ATP8A1: variants seen among roughly 807,000 people sequenced by gnomAD.
The protein encoded by ATP8A1 is ATPase phospholipid transporting 8A1.
ATP8A1 carries 90 observed loss-of-function variants against 177.7 expected under a neutral mutation model. The ratio of observed to expected loss-of-function variants is 0.51; its 90% CI spans 0.43 to 0.60. The LOEUF is 0.60. Among genes scored for constraint, ATP8A1 ranks in the 20% least tolerant of loss-of-function variants. The pLI is 0.00. For missense variants in ATP8A1, 1,072 were observed against 1,392.8 expected, an observed-to-expected ratio of 0.77 and a Z score of 3.67; for synonymous variants, 493 against 485.9, an observed-to-expected ratio of 1.01 and a Z score of -0.19.
At chr4:42,457,152 A>C (rs909681983) in intron 27 of ATP8A1, among the ~76,000 whole-genome samples, 1 of 152,202 alleles carries the variant, frequency 6.6e-6, no homozygotes, top group Admixed American at 6.5e-5. Context: ...ATATTTATGG[A>C]AAATTTTTGA....
At chr4:42,581,188 C>T (rs1359180010) in intron 10 of ATP8A1, among the ~76,000 whole-genome samples, 1 of 151,962 alleles carries the variant, frequency 6.6e-6, no homozygotes, top group Non-Finnish European at 1.5e-5. Context: ...GGCTGGAGTA[C>T]AGTGGCGCGA....
intron 33 of ATP8A1, among the ~76,000 whole-genome samples, chr4:42,442,595 CCTCT>C (rs1716751988): frequency 6.6e-6 from 1 of 152,108 alleles, no homozygotes; most frequent in African/African-American, 2.4e-5. Flanking sequence ...GTATATAATG[CCTCT>C]CTCTAATAAA....
At chr4:42,611,904 G>T (rs756630544) in intron 5 of ATP8A1, among the ~76,000 whole-genome samples, 24 of 152,206 alleles carry the variant, frequency 1.6e-4, no homozygotes, top group Non-Finnish European at 3.1e-4. Context: ...TAGACACATG[G>T]AGGAGGCTGT....
chr4:42,451,371 C>T (rs1717914150), intron 30 of ATP8A1, among the ~76,000 whole-genome samples: 1 of 152,164 alleles, frequency 6.6e-6, no homozygotes, highest in Non-Finnish European at 1.5e-5. Context: ...GCAAAGTCGG[C>T]TCCAAGACAG....
chr4:42,548,722 C>G (rs1288317557), intron 19 of ATP8A1, among the ~76,000 whole-genome samples: 4 of 152,172 alleles, frequency 2.6e-5, no homozygotes, highest in African/African-American at 9.7e-5. Context: ...CACATCCTTC[C>G]CAGCCTCTGG....
chr4:42,428,831 C>T (rs951272488), intron 33 of ATP8A1, among the ~76,000 whole-genome samples: 3 of 152,196 alleles, frequency 2.0e-5, no homozygotes, highest in African/African-American at 7.2e-5. Context: ...CCCATGCTCA[C>T]TCTTGTCCTC....
At chr4:42,575,554 A>G in intron 13 of ATP8A1, 68 bp downstream of exon 13, 1 of 1,288,070 alleles carries the variant, frequency 7.8e-7, no homozygotes, top group Non-Finnish European at 1.1e-6. Context: ...CAGTTATCAT[A>G]TATGGCAGAT....
chr4:42,550,837 C>A (rs1410844048), intron 18 of ATP8A1, among the ~76,000 whole-genome samples: 1 of 152,064 alleles, frequency 6.6e-6, no homozygotes, highest in South Asian at 2.1e-4. Flanking sequence ...TGGCTCAAGT[C>A]TTTTGCCCAC....
intron 24 of ATP8A1, among the ~76,000 whole-genome samples, chr4:42,498,251 T>C (rs1230514946): frequency 1.3e-5 from 2 of 152,220 alleles, no homozygotes; most frequent in East Asian, 3.8e-4. Context: ...TCAGAAGCCA[T>C]TCAACAGTGG....
rs11311245 is a variant in ATP8A1 at position 42,446,080 on chromosome 4, C to CAAAAAA, written c.2958+497_2958+502dup. Among the ~76,000 whole-genome samples, 117 of 63,836 alleles carry CAAAAAA rather than the reference C, an allele frequency of 1.8e-3. 6 individuals are homozygous for CAAAAAA. The highest frequency in any genetic ancestry group is 3.0e-3 in the Non-Finnish European group (91 of 30,464). 41.9% of individuals were successfully genotyped at this position (63,836 alleles called of 152,430 possible). A position where few individuals can be genotyped will look rare whatever the true frequency, so the allele number is the denominator to read the frequency against. On this transcript the variant is annotated intron_variant, in intron 31 of 36. Transcript: ENST00000381668. ...GGGCGACAAGAGTGAAACGCCCTCT[C>CAAAAAA]AAAAAAAAAAAAAAAAAAAGAGAAG...
chr4:42,507,714 A>G (rs1183028056), intron 22 of ATP8A1, among the ~76,000 whole-genome samples: 2 of 124,268 alleles, frequency 1.6e-5, no homozygotes, highest in African/African-American at 3.0e-5. Flanking sequence ...TGGGCAAGAG[A>G]GCGAGACTCC....
chr4:42,571,069 GATAA>G (rs1731853834), intron 14 of ATP8A1, among the ~76,000 whole-genome samples: 1 of 152,144 alleles, frequency 6.6e-6, no homozygotes, highest in African/African-American at 2.4e-5. Context: ...GAGATATACA[GATAA>G]ATAAATGAAT....
chr4:42,591,165 A>C (rs907000393), intron 6 of ATP8A1, among the ~76,000 whole-genome samples: 2 of 152,164 alleles, frequency 1.3e-5, no homozygotes, highest in African/African-American at 4.8e-5. Context: ...TCATAAGCTT[A>C]TCAAATTAAA....
At chr4:42,578,154 T>C in intron 12 of ATP8A1, 106 bp downstream of exon 12, 1 of 1,096,934 alleles carries the variant, frequency 9.1e-7, no homozygotes, top group Non-Finnish European at 1.2e-6. Flanking sequence ...GATACTGTGG[T>C]CAAGAAACGG....
At position 42,433,662 on chromosome 4, in the gene ATP8A1, A is replaced by G. The variant is rs185587948; in HGVS notation, c.3123+9903T>C. Among the ~76,000 whole-genome samples the G allele has an allele frequency of 3.4e-3, 517 of 152,186 alleles. 1 individual carries two copies. Among genetic ancestry groups the G allele is most frequent in the Non-Finnish European group, 5.5e-3 (375 of 68,014 alleles). On this transcript the variant is annotated intron_variant, in intron 33 of 36. Transcript: ENST00000381668. The stretch of plus-strand genomic sequence containing the variant: ...CAAACAAACAAACAAACAAACAAAC[A>G]CAAATCTTAGAAAATATGCAAATTA...
Position 42,533,030 on chromosome 4 carries a change from A to T in ATP8A1, c.1723-8183T>A, listed in dbSNP as rs148860289. 6.7e-3 allele frequency among the ~76,000 whole-genome samples: 1,014 copies of T among 152,290 alleles called. 7 individuals are homozygous for T. Among genetic ancestry groups the T allele is most frequent in the African/African-American group, 0.023 (975 of 41,554 alleles). On this transcript the variant is annotated intron_variant, in intron 20 of 36. Coordinates refer to ENST00000381668, the MANE Select transcript of ATP8A1 (RefSeq NM_006095.2). ...CAGCCCACCTGCACCCAGGTGAAAT[A>T]AACAGCCTTGTTGCTCACACAAAGC...
Position 42,588,252 on chromosome 4 carries a change from G to T in ATP8A1, c.594+8C>A. The T allele has an allele frequency of 2.5e-6, 4 of 1,602,008 alleles. No homozygotes were observed. Among genetic ancestry groups the T allele is most frequent in the Non-Finnish European group, 3.4e-6 (4 of 1,169,364 alleles). On this transcript the variant is annotated splice_region_variant and intron_variant, in intron 8 of 36. Transcript: ENST00000381668. ...AGTGATTATACATATACTTGTATCAGATCTTACCTGTCTAATTTTCAAGTT... is the reference window on the plus strand; with the variant it reads ...AGTGATTATACATATACTTGTATCATATCTTACCTGTCTAATTTTCAAGTT...
chr4:42,552,629 T>C lies in ATP8A1; in HGVS notation c.1414-19A>G, dbSNP rs750423421. On this transcript the variant is annotated intron_variant, in intron 16 of 36. Transcript: ENST00000381668. ...CAGTTGGCTGTGAAAAATAAACACATAATTTAAGCCCTTCTCATGTGAACA... is the reference window on the plus strand; with the variant it reads ...CAGTTGGCTGTGAAAAATAAACACACAATTTAAGCCCTTCTCATGTGAACA... 7 of 1,553,062 alleles carry C rather than the reference T, an allele frequency of 4.5e-6. No individual in the cohort carries two copies. The South Asian group carries it at 5.6e-5, about 12-fold the overall frequency.
chr4:42,584,661 T>C (rs548260782), intron 9 of ATP8A1, among the ~76,000 whole-genome samples: 1 of 152,346 alleles, frequency 6.6e-6, no homozygotes, highest in African/African-American at 2.4e-5. Flanking sequence ...AGGATAGCTC[T>C]TGGGTCTCTT....
Sources: allele counts gnomAD v4.1 joint callset (sites outside exome capture counted in the v4.1 genomes callset), GRCh38; gene constraint gnomAD v4.1.1; transcripts MANE v1.5; gene names NCBI Gene and HGNC (gene_info 2026-07-23, HGNC 2026-07-21).